PALLD: variants seen among roughly 807,000 people sequenced by gnomAD.
PALLD encodes the protein palladin, cytoskeletal associated protein, also known as palladin.
PALLD carries 61 observed loss-of-function variants against 123.5 expected under a neutral mutation model. The ratio of observed to expected loss-of-function variants is 0.49; its 90% CI spans 0.40 to 0.61. PALLD has a LOEUF of 0.61. Among genes scored for constraint, PALLD ranks in the 20% least tolerant of loss-of-function variants. The pLI, the probability that PALLD is intolerant of heterozygous loss-of-function variation, is 0.00. For synonymous variants in PALLD, 465 were observed against 496.4 expected (o/e 0.94, Z 0.84); for missense variants, 1,273 against 1,377.0 (o/e 0.92, Z 1.20).
chr4:168,541,993 T>C (rs1046265848), intron 2 of PALLD, among the ~76,000 whole-genome samples: 9 of 152,048 alleles, frequency 5.9e-5, no homozygotes, highest in Admixed American at 2.0e-4. Flanking sequence ...GAGGGGAAAG[T>C]GGTGGTGGAT....
At position 168,664,750 on chromosome 4, in the gene PALLD, T is replaced by A. The variant is rs1580832002; in HGVS notation, c.909-3440T>A. Among the ~76,000 whole-genome samples, 3 of 142,402 alleles carry A rather than the reference T, an allele frequency of 2.1e-5. No individual in the cohort carries two copies. The Admixed American group carries it at 2.2e-4, about 10-fold the overall frequency. The allele number at this position is 142,402 out of a possible 152,430, so 93.4% of individuals were successfully genotyped here. On this transcript the variant is annotated intron_variant, in intron 2 of 21. Coordinates refer to ENST00000505667, the MANE Select transcript of PALLD (RefSeq NM_001166108.2). ...GTTGTTAAAATGTGGTAAGTTAGGG[T>A]GTGACCCAAGAGGAGGAGGAAAAAA...
chr4:168,775,262 C>A (rs72986870), intron 10 of PALLD, among the ~76,000 whole-genome samples: 2 of 152,182 alleles, frequency 1.3e-5, no homozygotes, highest in East Asian at 3.9e-4. Context: ...AGAATTTCAT[C>A]GTGGTTTTAA....
intron 2 of PALLD, among the ~76,000 whole-genome samples, chr4:168,520,504 G>A (rs980286094): frequency 2.0e-5 from 3 of 152,030 alleles, no homozygotes; most frequent in Non-Finnish European, 4.4e-5. Flanking sequence ...TTTCTTAACC[G>A]CTGTTTTCAT....
At chr4:168,539,612 TAAAG>T (rs1279654347) in intron 2 of PALLD, among the ~76,000 whole-genome samples, 7 of 122,146 alleles carry the variant, frequency 5.7e-5, no homozygotes, top group African/African-American at 2.1e-4. Flanking sequence ...AATAAATAAA[TAAAG>T]ATGCTTTGGA....
chr4:168,906,264 T>G (rs953093690), intron 15 of PALLD, among the ~76,000 whole-genome samples: 3 of 152,242 alleles, frequency 2.0e-5, no homozygotes, highest in South Asian at 2.1e-4. Flanking sequence ...AAATTGTTAT[T>G]GGAATAAGCC....
At chr4:168,635,997 T>C (rs1776310400) in intron 2 of PALLD, among the ~76,000 whole-genome samples, 1 of 152,224 alleles carries the variant, frequency 6.6e-6, no homozygotes, top group Non-Finnish European at 1.5e-5. Context: ...TAATGTAACA[T>C]TGATAAAGCA....
chr4:168,850,525 T>TTC (rs1747602874), intron 10 of PALLD, among the ~76,000 whole-genome samples: 3 of 102,050 alleles, frequency 2.9e-5, no homozygotes, highest in Non-Finnish European at 3.8e-5. Flanking sequence ...TGTCATTTCT[T>TTC]TTTTTTTTTT....
chr4:168,887,497 T>C (rs1753539763), intron 10 of PALLD, among the ~76,000 whole-genome samples: 1 of 152,242 alleles, frequency 6.6e-6, no homozygotes, highest in Non-Finnish European at 1.5e-5. Context: ...TAGTGTAGTC[T>C]ACCTGCAGAA....
At position 168,512,243 on chromosome 4, in the gene PALLD, C is replaced by G; in HGVS notation, c.739C>G (p.Gln247Glu). 1 of 1,614,014 alleles carries G rather than the reference C, an allele frequency of 6.2e-7. No individual in the cohort carries two copies. Among genetic ancestry groups the G allele is most frequent in the Admixed American group, 1.7e-5 (1 of 60,010 alleles). ...GGCCAGGCATTGCTACCAGGACAACCAGGACTTGGCAGTGCCACACAACCG... is the reference window on the plus strand; with the variant it reads ...GGCCAGGCATTGCTACCAGGACAACGAGGACTTGGCAGTGCCACACAACCG... ...PGARHCYQDN[Q>E]DLAVPHNRKS... is the part of the protein sequence containing the mutation. The change falls in exon 2 of 22, where the codon CAG (glutamine) becomes GAG (glutamate). Residue 247 changes from glutamine to glutamate, a missense_variant. Physicochemically the swap from Gln to Glu is conservative, Grantham distance 29 (BLOSUM62 2). This residue lies in a region of PALLD where 944 missense variants were observed against 954.5 expected (regional missense o/e 0.99). Coordinates refer to ENST00000505667, the MANE Select transcript of PALLD (RefSeq NM_001166108.2).
chr4:168,619,230 C>T (rs1391219595), intron 2 of PALLD, among the ~76,000 whole-genome samples: 1 of 152,162 alleles, frequency 6.6e-6, no homozygotes, highest in Non-Finnish European at 1.5e-5. Context: ...AGCGAGATAA[C>T]TTGGCAACTT....
chr4:168,532,363 C>A (rs1457961821), intron 2 of PALLD, among the ~76,000 whole-genome samples: 1 of 152,174 alleles, frequency 6.6e-6, no homozygotes, highest in African/African-American at 2.4e-5. Flanking sequence ...CCTAAGTCTT[C>A]ATTCATAAAC....
chr4:168,878,686 G>GA (rs1752194382), intron 10 of PALLD, among the ~76,000 whole-genome samples: 1 of 150,642 alleles, frequency 6.6e-6, no homozygotes, highest in Non-Finnish European at 1.5e-5. Context: ...TCATTATGGG[G>GA]GGGGGGGTGC....
At chr4:168,615,811 A>G (rs886362556) in intron 2 of PALLD, among the ~76,000 whole-genome samples, 2 of 152,182 alleles carry the variant, frequency 1.3e-5, no homozygotes, top group Non-Finnish European at 2.9e-5. Flanking sequence ...TGAAAAACCT[A>G]TCAGTAGGAG....
chr4:168,521,238 A>C (rs974097947), intron 2 of PALLD, among the ~76,000 whole-genome samples: 7 of 152,166 alleles, frequency 4.6e-5, no homozygotes, highest in Admixed American at 4.6e-4. Context: ...TAATCCCTTT[A>C]GAATTAAAAG....
chr4:168,805,156 GA>G (rs11311537), intron 10 of PALLD, among the ~76,000 whole-genome samples: 86,347 of 147,366 alleles, frequency 0.59, 25,193 homozygotes, highest in East Asian at 0.83. Flanking sequence ...AAACTCTAAA[GA>G]AAAAAAAAAA....
intron 2 of PALLD, among the ~76,000 whole-genome samples, chr4:168,562,380 G>A (rs533441296): frequency 2.0e-5 from 3 of 152,340 alleles, no homozygotes; most frequent in Admixed American, 6.5e-5. Context: ...TCAGGAGTAA[G>A]TCTGTGTTCT....
intron 8 of PALLD, among the ~76,000 whole-genome samples, chr4:168,696,169 A>G (rs1019989125): frequency 6.6e-6 from 1 of 152,174 alleles, no homozygotes; most frequent in African/African-American, 2.4e-5. Flanking sequence ...GAGAGGGGGA[A>G]GACTCAAGAC....
chr4:168,805,136 T>C (rs1739986196), intron 10 of PALLD, among the ~76,000 whole-genome samples: 1 of 143,770 alleles, frequency 7.0e-6, no homozygotes, highest in Non-Finnish European at 1.5e-5. Flanking sequence ...TCAGCCTGGG[T>C]GGCAGGGTGA....
chr4:168,509,377 A>C (rs1285614943), intron 1 of PALLD, among the ~76,000 whole-genome samples: 1 of 152,232 alleles, frequency 6.6e-6, no homozygotes, highest in East Asian at 1.9e-4. Flanking sequence ...CAATTGTTAA[A>C]TAAAAGCTCA....
Sources: allele counts gnomAD v4.1 joint callset (sites outside exome capture counted in the v4.1 genomes callset), GRCh38; gene constraint gnomAD v4.1.1; regional missense constraint gnomAD v4.1.1; transcripts MANE v1.5; gene names NCBI Gene and HGNC (gene_info 2026-07-23, HGNC 2026-07-21).